Variants in PFDN1 observed in about 807,000 individuals in gnomAD.
PFDN1 encodes the protein prefoldin 1.
Under a neutral mutation model 17.3 loss-of-function variants are expected in PFDN1, and 6 were observed. The ratio of observed to expected loss-of-function variants is 0.35; its 90% CI spans 0.19 to 0.69. The LOEUF (loss-of-function observed/expected upper bound fraction) is 0.69. PFDN1 is among the 30% of genes least tolerant of loss of function. PFDN1 has a pLI of 0.65. For missense variants in PFDN1, 113 were observed against 146.2 expected (o/e 0.77, Z 1.17); for synonymous variants, 58 against 50.1 (o/e 1.16, Z -0.67).
intron 2 of PFDN1, among the ~76,000 whole-genome samples, chr5:140,285,334 C>T (rs1479397186): frequency 4.8e-5 from 7 of 146,246 alleles, no homozygotes; most frequent in African/African-American, 1.8e-4. Flanking sequence ...GGCAACAGAG[C>T]GAGACTCCAT....
chr5:140,261,008 A>G (rs541415195), intron 3 of PFDN1, among the ~76,000 whole-genome samples: 1 of 151,962 alleles, frequency 6.6e-6, no homozygotes, highest in African/African-American at 2.4e-5. Flanking sequence ...CTAAAAATAC[A>G]AAAATTAGCT....
At chr5:140,298,208 T>C (rs2126702626) in intron 2 of PFDN1, among the ~76,000 whole-genome samples, 1 of 152,212 alleles carries the variant, frequency 6.6e-6, no homozygotes, top group South Asian at 2.1e-4. Context: ...AGATGAACAA[T>C]TTAACATAAT....
intron 3 of PFDN1, among the ~76,000 whole-genome samples, chr5:140,273,658 G>GTT (rs757672294): frequency 6.8e-6 from 1 of 147,090 alleles, no homozygotes. Context: ...GACTTTAACA[G>GTT]TTTTTTTTTT....
At chr5:140,284,175 T>C (rs1765452059) in intron 2 of PFDN1, among the ~76,000 whole-genome samples, 1 of 152,178 alleles carries the variant, frequency 6.6e-6, no homozygotes, top group Non-Finnish European at 1.5e-5. Flanking sequence ...TCCTTTGAGG[T>C]AGCTATACTG....
At chr5:140,258,287 G>C (rs892377245) in intron 3 of PFDN1, among the ~76,000 whole-genome samples, 1 of 152,104 alleles carries the variant, frequency 6.6e-6, no homozygotes, top group African/African-American at 2.4e-5. Flanking sequence ...ATGGGTAACA[G>C]ATGTGCCCAG....
At chr5:140,281,862 A>T in intron 2 of PFDN1, 1 of 184,726 alleles carries the variant, frequency 5.4e-6, no homozygotes, top group South Asian at 9.6e-5. Context: ...ACATAGCAAG[A>T]CCCTGTCTCA....
chr5:140,256,641 T>TA (rs1764989085), intron 3 of PFDN1, among the ~76,000 whole-genome samples: 1 of 15,596 alleles, frequency 6.4e-5, no homozygotes, highest in Non-Finnish European at 1.6e-4. Context: ...CTGCTCAATG[T>TA]AAAAAACAAA....
At chr5:140,271,522 T>G (rs990676948) in intron 3 of PFDN1, among the ~76,000 whole-genome samples, 1 of 152,190 alleles carries the variant, frequency 6.6e-6, no homozygotes, top group African/African-American at 2.4e-5. Context: ...TGTCTAGCTA[T>G]CTAGCTACTA....
chr5:140,266,381 G>A (rs1765133965), intron 3 of PFDN1, among the ~76,000 whole-genome samples: 1 of 152,134 alleles, frequency 6.6e-6, no homozygotes, highest in East Asian at 1.9e-4. Context: ...TCTAAAAGCA[G>A]GCATTTCAAA....
intron 1 of PFDN1, among the ~76,000 whole-genome samples, chr5:140,302,098 GTCTT>G (rs1325632325): frequency 1.3e-5 from 2 of 152,246 alleles, no homozygotes; most frequent in Non-Finnish European, 1.5e-5. Context: ...ACCACAGGCA[GTCTT>G]AACTAAGATG....
chr5:140,282,710 C>A (rs1765429467), intron 2 of PFDN1, among the ~76,000 whole-genome samples: 1 of 152,174 alleles, frequency 6.6e-6, no homozygotes, highest in African/African-American at 2.4e-5. Context: ...TTTATGTTCA[C>A]AATTCTTGCT....
intron 1 of PFDN1, 69 bp from the exon 2 acceptor site, chr5:140,300,651 T>C: frequency 9.4e-7 from 1 of 1,069,462 alleles, no homozygotes; most frequent in Non-Finnish European, 1.4e-6. Flanking sequence ...CAAATCCAAA[T>C]ATATTAAAAC....
chr5:140,271,426 T>C (rs1765203872), intron 3 of PFDN1, among the ~76,000 whole-genome samples: 1 of 152,190 alleles, frequency 6.6e-6, no homozygotes, highest in African/African-American at 2.4e-5. Flanking sequence ...CCCAAGACTC[T>C]CCAAGTCAAA....
chr5:140,264,020 C>CAAAAAAAAAAAAAAAAAAAAAAAAAAAAA (rs58605224), intron 3 of PFDN1, among the ~76,000 whole-genome samples: 1 of 55,560 alleles, frequency 1.8e-5, no homozygotes, highest in Non-Finnish European at 3.3e-5. Context: ...GACTCCATCT[C>CAAAAAAAAAAAAAAAAAAAAAAAAAAAAA]AAAAAAAAAA....
chr5:140,251,921 G>T (rs1764919253), intron 3 of PFDN1, among the ~76,000 whole-genome samples: 1 of 152,110 alleles, frequency 6.6e-6, no homozygotes, highest in South Asian at 2.1e-4. Context: ...TACATCTTGT[G>T]ACGCTATCAC....
Position 140,253,433 on chromosome 5 carries a change from C to A in PFDN1, c.286-7376G>T, listed in dbSNP as rs149324391. Among the ~76,000 whole-genome samples the A allele has an allele frequency of 1.7e-3, 257 of 152,272 alleles. 2 individuals are homozygous for A. The highest frequency in any genetic ancestry group is 6.0e-3 in the African/African-American group (250 of 41,554). On this transcript the variant is annotated intron_variant, in intron 3 of 3. Coordinates refer to ENST00000261813, the MANE Select transcript of PFDN1 (RefSeq NM_002622.5). ...CAGATATACACGAGGGGAAAAAATT[C>A]TTCTTCAAACAACAGTGTTTAGCTG...
chr5:140,256,658 C>CAAA (rs757723797), intron 3 of PFDN1, among the ~76,000 whole-genome samples: 1,619 of 39,624 alleles, frequency 0.041, 105 homozygotes, highest in African/African-American at 0.061. Flanking sequence ...CAAAAAATGA[C>CAAA]AAAAAAAAAA....
chr5:140,288,677 A>C (rs1340835085), intron 2 of PFDN1, among the ~76,000 whole-genome samples: 1 of 152,150 alleles, frequency 6.6e-6, no homozygotes, highest in African/African-American at 2.4e-5. Context: ...GTACTACTAA[A>C]ACTACTATAA....
intron 3 of PFDN1, among the ~76,000 whole-genome samples, chr5:140,278,514 C>G (rs1765334958): frequency 8.0e-6 from 1 of 125,696 alleles, no homozygotes; most frequent in Admixed American, 9.9e-5. Flanking sequence ...TGAGCCAAGA[C>G]ACACCACTGG....
Sources: gnomAD v4.1 joint callset for allele counts (sites outside exome capture counted in the v4.1 genomes callset) on GRCh38, gnomAD v4.1.1 for gene constraint, MANE v1.5 for transcripts, NCBI Gene and HGNC (gene_info 2026-07-23, HGNC 2026-07-21) for gene names.